PIMREG: variants seen among roughly 807,000 people sequenced by gnomAD.
The protein encoded by PIMREG is PICALM interacting mitotic regulator, also known as protein PIMREG.
PIMREG carries 19 observed loss-of-function variants against 24.3 expected under a neutral mutation model. The ratio of observed to expected loss-of-function variants is 0.78; its 90% CI spans 0.54 to 1.15. PIMREG has a LOEUF of 1.15. Among genes scored for constraint, PIMREG ranks in the 50% most tolerant of loss-of-function variants. The pLI is 0.00. For missense variants in PIMREG, 283 were observed against 306.8 expected, an observed-to-expected ratio of 0.92 and a Z score of 0.58; for synonymous variants, 112 against 124.1, an observed-to-expected ratio of 0.90 and a Z score of 0.65.
intron 4 of PIMREG, chr17:6,449,773 T>C: frequency 7.1e-7 from 1 of 1,410,636 alleles, no homozygotes; most frequent in Non-Finnish European, 9.2e-7. Flanking sequence ...TGCTATGGAG[T>C]TCCTGGTCTG....
chr17:6,450,335 A>C, intron 5 of PIMREG, 27 bp from the exon 6 acceptor site: 1 of 1,541,186 alleles, frequency 6.5e-7, no homozygotes. Flanking sequence ...CCTTGAGCAC[A>C]GTGAAAAAGG....
Position 6,450,008 on chromosome 17 carries a change from A to T in PIMREG, c.687-20A>T. 6.2e-7 allele frequency: 1 copy of T among 1,612,740 alleles called. No homozygotes were observed. The highest frequency in any genetic ancestry group is 8.5e-7 in the Non-Finnish European group (1 of 1,178,800). Reference sequence around the variant, plus strand: ...GAGCCCACCACACCCAGTGGCATCAATCCCTCCCCTTCTCTCTAGTGGTGA... The same window carrying T: ...GAGCCCACCACACCCAGTGGCATCATTCCCTCCCCTTCTCTCTAGTGGTGA... On this transcript the variant is annotated intron_variant, in intron 4 of 5. Coordinates refer to ENST00000572447, the MANE Select transcript of PIMREG (RefSeq NM_019013.3).
Position 6,450,050 on chromosome 17 carries a change from C to T in PIMREG, c.709C>T (p.His237Tyr), listed in dbSNP as rs746976219. 3.3e-5 allele frequency: 53 copies of T among 1,614,076 alleles called. No homozygotes were observed. Among genetic ancestry groups the T allele is most frequent in the Non-Finnish European group, 4.3e-5 (51 of 1,180,030 alleles). ...TAGTGGTGACATCGTCTCTCTCATT[C>T]ATGACTGAGGAAGTGCCTGCAGGTA... is the stretch of plus-strand genomic sequence containing the variant. ...EESGDIVSLI[H>Y]D The change falls in exon 5 of 6, where the codon CAT becomes TAT. Residue 237 changes from histidine to tyrosine, a missense_variant. Coordinates refer to ENST00000572447, the MANE Select transcript of PIMREG (RefSeq NM_019013.3).
rs1040317923 is a variant in PIMREG, at chr17:6,449,735, C to A, written c.687-293C>A. On this transcript the variant is annotated intron_variant, in intron 4 of 5. Coordinates refer to ENST00000572447, the MANE Select transcript of PIMREG (RefSeq NM_019013.3). The stretch of plus-strand genomic sequence containing the variant: ...CCGTGGCTCGTCTGTGCCCTGCCTG[C>A]CTATGGAATTGGGAAAAGCAACCTG... 11 of 1,397,702 alleles carry A rather than the reference C, an allele frequency of 7.9e-6. No homozygotes were observed. The African/African-American group carries it at 1.4e-4, about 18-fold the overall frequency. 86.6% of individuals were successfully genotyped at this position (1,397,702 alleles called of 1,614,324 possible).
chr17:6,449,465 TTTGTAGGCAGGCG>T, intron 4 of PIMREG, 58 bp downstream of exon 4: 1 of 1,497,620 alleles, frequency 6.7e-7, no homozygotes, highest in East Asian at 2.3e-5. Flanking sequence ...TCCAGCCATC[TTTGTAGGCAGGCG>T]TTGGTTCTGC....
chr17:6,446,901 C>T (rs1411237594), intron 2 of PIMREG, among the ~76,000 whole-genome samples: 1 of 152,160 alleles, frequency 6.6e-6, no homozygotes, highest in East Asian at 1.9e-4. Flanking sequence ...AGGCTCCAGG[C>T]ACCAGGGGGG....
At position 6,449,851 on chromosome 17, in the gene PIMREG, C is replaced by T. The variant is rs1049243801; in HGVS notation, c.687-177C>T. On this transcript the variant is annotated intron_variant, in intron 4 of 5. Coordinates refer to ENST00000572447, the MANE Select transcript of PIMREG (RefSeq NM_019013.3). ...ACCTCCCCTAACTTGGGGCTGTTTC[C>T]CCATTCCACTTGTATAATGGCCATG... The T allele has an allele frequency of 3.6e-6, 5 of 1,405,528 alleles. No homozygotes were observed. The African/African-American group carries it at 5.8e-5, about 16-fold the overall frequency. 87.1% of individuals were successfully genotyped at this position (1,405,528 alleles called of 1,614,324 possible). A position where few individuals can be genotyped will look rare whatever the true frequency, so the allele number is the denominator to read the frequency against.
chr17:6,450,095 C>G (rs1265418115), intron 5 of PIMREG, 23 bp downstream of exon 5: 1 of 1,611,554 alleles, frequency 6.2e-7, no homozygotes, highest in Non-Finnish European at 8.5e-7. Context: ...TCCCAAGAGT[C>G]TTTCTCACTG....
chr17:6,445,433 T>A (rs765502872), intron 2 of PIMREG, 29 bp downstream of exon 2: 1 of 1,572,886 alleles, frequency 6.4e-7, no homozygotes. Context: ...ATCATCTTTT[T>A]TATGGAGTGT....
At chr17:6,449,943 G>A (rs1406473105) in intron 4 of PIMREG, 85 bp from the exon 5 acceptor site, 2 of 1,501,076 alleles carry the variant, frequency 1.3e-6, no homozygotes, top group Non-Finnish European at 9.3e-7. Context: ...CACATTTCCG[G>A]GTCTGATCTT....
At chr17:6,447,441 C>T (rs1314342753) in intron 2 of PIMREG, 22 bp from the exon 3 acceptor site, 1 of 1,609,696 alleles carries the variant, frequency 6.2e-7, no homozygotes, top group South Asian at 1.1e-5. Flanking sequence ...TCTGTGCTAA[C>T]CTTTCCATTT....
chr17:6,449,990 C>G, intron 4 of PIMREG, 38 bp from the exon 5 acceptor site: 2 of 1,609,412 alleles, frequency 1.2e-6, no homozygotes, highest in Non-Finnish European at 1.7e-6. Context: ...TCAGAGCCCA[C>G]CACACCCAGT....
intron 2 of PIMREG, among the ~76,000 whole-genome samples, chr17:6,446,532 G>C (rs73978426): frequency 4.7e-4 from 71 of 152,168 alleles, no homozygotes; most frequent in African/African-American, 1.6e-3. Flanking sequence ...CTTGGGCTTC[G>C]CTCCAAACAC....
chr17:6,446,040 G>T, intron 2 of PIMREG: 1 of 401,270 alleles, frequency 2.5e-6, no homozygotes, highest in Non-Finnish European at 4.4e-6. Context: ...ACATGATGGA[G>T]AAGGGAATAG....
At chr17:6,449,619 T>C in intron 4 of PIMREG, 1 of 1,207,956 alleles carries the variant, frequency 8.3e-7, no homozygotes, top group Non-Finnish European at 1.1e-6. Flanking sequence ...ATGTGTGTGG[T>C]CTTCTGGGCC....
Position 6,447,474 on chromosome 17 carries a change from G to T in PIMREG, c.306G>T (p.Glu102Asp). The T allele has an allele frequency of 6.2e-7, 1 of 1,613,856 alleles. No individual in the cohort carries two copies. The highest frequency in any genetic ancestry group is 8.5e-7 in the Non-Finnish European group (1 of 1,179,772). ...ALGAVSQRIQ[E>D]SCQSGTKWLV... ...TTTGCCTGTTCCAGAGAATCCAGGA[G>T]TCCTGCCAAAGTGGCACCAAGTGGC... The change falls in exon 3 of 6, where the codon GAG (glutamate) becomes GAT (aspartate). Residue 102 changes from glutamate to aspartate, a missense_variant. Coordinates refer to ENST00000572447, the MANE Select transcript of PIMREG (RefSeq NM_019013.3).
At chr17:6,447,325 A>G in intron 2 of PIMREG, 138 bp from the exon 3 acceptor site, 4 of 912,652 alleles carry the variant, frequency 4.4e-6, no homozygotes, top group Non-Finnish European at 6.8e-6. Flanking sequence ...CATGTTGGCC[A>G]GGCTGGTCTC....
Position 6,447,576 on chromosome 17 carries a change from G to A in PIMREG, c.408G>A (p.Leu136=). 2.5e-6 allele frequency: 4 copies of A among 1,614,170 alleles called. No individual in the cohort carries two copies. Among genetic ancestry groups the A allele is most frequent in the South Asian group, 1.1e-5 (1 of 91,082 alleles). ...QKGSGSPTHS[L]SQKSTRLSGA... is the part of the protein sequence containing the mutation. ...GCAGTGGATCCCCAACTCACAGCCTGAGCCAGAAGAGCACCCGGCTGTCTG... is the reference window on the plus strand; with the variant it reads ...GCAGTGGATCCCCAACTCACAGCCTAAGCCAGAAGAGCACCCGGCTGTCTG... The change falls in exon 3 of 6, where the codon CTG becomes CTA. Residue 136 remains leucine, a synonymous_variant. Transcript: ENST00000572447.
intron 5 of PIMREG, 58 bp downstream of exon 5, chr17:6,450,130 A>G (rs1913765933): frequency 1.3e-6 from 2 of 1,565,706 alleles, no homozygotes; most frequent in Non-Finnish European, 1.8e-6. Context: ...CTCATGCATG[A>G]GCAAGTTAAA....
Sources: allele counts gnomAD v4.1 joint callset (sites outside exome capture counted in the v4.1 genomes callset), GRCh38; gene constraint gnomAD v4.1.1; transcripts MANE v1.5; gene names NCBI Gene and HGNC (gene_info 2026-07-23, HGNC 2026-07-21).